Variants in RXRA observed in about 807,000 individuals in gnomAD.
RXRA encodes retinoid X receptor alpha, also known as retinoic acid receptor RXR-alpha.
Under a neutral mutation model 44.5 loss-of-function variants are expected in RXRA, and 5 were observed. The observed-to-expected ratio is 0.11, with a 90% CI of 0.06 to 0.24. RXRA has a LOEUF of 0.24. RXRA is among the 10% of genes least tolerant of loss of function. The probability of loss-of-function intolerance (pLI) is 1.00; values close to 1 mark genes in which losing one functional copy is unlikely to be tolerated. For missense variants in RXRA, 412 were observed against 646.5 expected (o/e 0.64, Z 3.93); for synonymous variants, 291 against 271.4 (o/e 1.07, Z -0.71).
intron 1 of RXRA, among the ~76,000 whole-genome samples, chr9:134,387,163 C>T (rs1356073522): frequency 1.3e-5 from 2 of 152,234 alleles, no homozygotes; most frequent in African/African-American, 4.8e-5. Flanking sequence ...TCCCCACACC[C>T]ATCCTGCTGG....
intron 1 of RXRA, among the ~76,000 whole-genome samples, chr9:134,378,608 G>A (rs1233432697): frequency 2.0e-5 from 3 of 152,228 alleles, no homozygotes; most frequent in African/African-American, 7.2e-5. Context: ...CCGAAGTGGT[G>A]GCCCTCCCTG....
At chr9:134,352,564 A>G (rs1830234553) in intron 1 of RXRA, among the ~76,000 whole-genome samples, 1 of 152,110 alleles carries the variant, frequency 6.6e-6, no homozygotes, top group South Asian at 2.1e-4. Context: ...GTCTGTCCGG[A>G]CCACCCAGCC....
At chr9:134,436,254 ACT>A (rs1831618726) in intron 9 of RXRA, among the ~76,000 whole-genome samples, 1 of 151,888 alleles carries the variant, frequency 6.6e-6, no homozygotes, top group Non-Finnish European at 1.5e-5. Flanking sequence ...ATCTCCCTTC[ACT>A]CTGTCCTGGC....
At chr9:134,364,072 C>T (rs185854931) in intron 1 of RXRA, among the ~76,000 whole-genome samples, 5 of 152,300 alleles carry the variant, frequency 3.3e-5, no homozygotes, top group African/African-American at 9.6e-5. Context: ...CAGGTTTCTC[C>T]TCTCCCAGCT....
At chr9:134,375,375 T>C (rs1830543176) in intron 1 of RXRA, among the ~76,000 whole-genome samples, 1 of 152,096 alleles carries the variant, frequency 6.6e-6, no homozygotes, top group South Asian at 2.1e-4. Flanking sequence ...GCCTCCAGAA[T>C]TGCAGTGGCT....
intron 9 of RXRA, among the ~76,000 whole-genome samples, chr9:134,434,554 G>C (rs1003871604): frequency 1.1e-4 from 17 of 152,186 alleles, no homozygotes; most frequent in African/African-American, 4.1e-4. Context: ...GCACATAGTA[G>C]GTACTTCACA....
chr9:134,401,646 G>C lies in RXRA; in HGVS notation c.43G>C (p.Val15Leu), dbSNP rs1197972058. 1 of 1,612,952 alleles carries C rather than the reference G, an allele frequency of 6.2e-7. No homozygotes were observed. ...HFLPLDFSTQ[V>L]NSSLTSPTGR... ...TTGTCTTGCAGATTTCTCCACCCAG[G>C]TGAACTCCTCCCTCACCTCCCCGAC... Residue 15 changes from valine to leucine, a missense_variant, in exon 2 of 10, where the codon GTG (valine) becomes CTG (leucine). Around this residue, in one of 4 missense-constraint regions of RXRA, gnomAD observed 156 missense variants for 177.2 expected, o/e 0.88. Transcript: ENST00000481739.
At chr9:134,435,118 G>A (rs562061031) in intron 9 of RXRA, among the ~76,000 whole-genome samples, 3 of 152,320 alleles carry the variant, frequency 2.0e-5, no homozygotes, top group African/African-American at 4.8e-5. Flanking sequence ...CAGCCTCTGC[G>A]CTGTTTTTGC....
chr9:134,329,043 C>T (rs1033434678), intron 1 of RXRA, among the ~76,000 whole-genome samples: 12 of 152,248 alleles, frequency 7.9e-5, no homozygotes, highest in Admixed American at 1.3e-4. Flanking sequence ...AGAAGGCCCC[C>T]GCTGGCCTTA....
intron 1 of RXRA, among the ~76,000 whole-genome samples, chr9:134,355,964 G>C (rs2119053049): frequency 6.6e-6 from 1 of 152,278 alleles, no homozygotes; most frequent in East Asian, 1.9e-4. Flanking sequence ...GAGGGGGTGG[G>C]GGGCAGCTCC....
At chr9:134,403,199 G>T (rs1439709814) in intron 2 of RXRA, 1 of 152,618 alleles carries the variant, frequency 6.6e-6, no homozygotes, top group Non-Finnish European at 1.5e-5. Flanking sequence ...TTTAGAGCTG[G>T]CCTTGACCTC....
At position 134,358,283 on chromosome 9, in the gene RXRA, G is replaced by A. The variant is rs531782967; in HGVS notation, c.28+31624G>A. ...AGATGGGCACCAGTCCTGTTAGGCC[G>A]CCACCATCCACTTTCCTCCGGCAGC... On this transcript the variant is annotated intron_variant, in intron 1 of 9. Transcript: ENST00000481739. Among the ~76,000 whole-genome samples, 17 of 152,334 alleles carry A rather than the reference G, an allele frequency of 1.1e-4. No homozygotes were observed. The South Asian group carries it at 2.5e-3, about 22-fold the overall frequency.
At chr9:134,388,795 A>C (rs1292285588) in intron 1 of RXRA, among the ~76,000 whole-genome samples, 2 of 152,154 alleles carry the variant, frequency 1.3e-5, no homozygotes, top group Non-Finnish European at 2.9e-5. Context: ...CTTGTGAGCC[A>C]GGTGACAGCC....
At chr9:134,358,061 C>T (rs1830303943) in intron 1 of RXRA, among the ~76,000 whole-genome samples, 1 of 152,254 alleles carries the variant, frequency 6.6e-6, no homozygotes, top group East Asian at 1.9e-4. Flanking sequence ...GGCCCGAGGG[C>T]TGGCTCCTGC....
chr9:134,434,381 C>T (rs965179038), intron 9 of RXRA, among the ~76,000 whole-genome samples, 174 bp downstream of exon 9: 1 of 152,058 alleles, frequency 6.6e-6, no homozygotes, highest in African/African-American at 2.4e-5. Flanking sequence ...TGGGCTGTGG[C>T]GGGCACACCC....
At chr9:134,333,511 T>G (rs1835040312) in intron 1 of RXRA, among the ~76,000 whole-genome samples, 1 of 151,936 alleles carries the variant, frequency 6.6e-6, no homozygotes, top group South Asian at 2.1e-4. Context: ...CCTCTGGCGC[T>G]GAGGGGAGGG....
intron 1 of RXRA, among the ~76,000 whole-genome samples, chr9:134,400,082 G>A (rs899687517): frequency 1.2e-4 from 19 of 152,228 alleles, no homozygotes; most frequent in African/African-American, 4.3e-4. Flanking sequence ...GAAGAGTGCT[G>A]GCTTTGGATG....
intron 1 of RXRA, among the ~76,000 whole-genome samples, chr9:134,395,107 G>C: frequency 6.6e-6 from 1 of 152,210 alleles, no homozygotes; most frequent in Non-Finnish European, 1.5e-5. Flanking sequence ...CTGGGACACC[G>C]TGGGCTCTCA....
chr9:134,395,267 C>T (rs765099732), intron 1 of RXRA, among the ~76,000 whole-genome samples: 12 of 152,242 alleles, frequency 7.9e-5, no homozygotes, highest in Non-Finnish European at 1.5e-4. Context: ...CCTCCCTTGG[C>T]GGAGTCCCGC....
Sources: allele counts gnomAD v4.1 joint callset (sites outside exome capture counted in the v4.1 genomes callset), GRCh38; gene constraint gnomAD v4.1.1; regional missense constraint gnomAD v4.1.1; transcripts MANE v1.5; gene names NCBI Gene and HGNC (gene_info 2026-07-23, HGNC 2026-07-21).